The following SOX5 variants were observed in gnomAD, a reference collection of about 807,000 sequenced individuals.
SOX5 encodes transcription factor SOX-5.
Under a neutral mutation model 92.0 loss-of-function variants are expected in SOX5, and 9 were observed. The ratio of observed to expected loss-of-function variants is 0.10; its 90% CI spans 0.06 to 0.17. The LOEUF is 0.17. Among genes scored for constraint, SOX5 ranks in the 10% least tolerant of loss-of-function variants. The pLI, the probability that SOX5 is intolerant of heterozygous loss-of-function variation, is 1.00. For missense variants in SOX5, 642 were observed against 944.5 expected, an observed-to-expected ratio of 0.68 and a Z score of 4.20; for synonymous variants, 344 against 336.3, an observed-to-expected ratio of 1.02 and a Z score of -0.25.
intron 3 of SOX5, among the ~76,000 whole-genome samples, chr12:23,835,806 A>T (rs538594359): frequency 6.6e-6 from 1 of 151,946 alleles, no homozygotes; most frequent in Admixed American, 6.6e-5. Flanking sequence ...CATAGATTCT[A>T]GTCTAAGGTT....
At chr12:24,309,942 T>G (rs553812) in intron 2 of SOX5, among the ~76,000 whole-genome samples, 18,044 of 152,136 alleles carry the variant, frequency 0.12, 1,428 homozygotes, top group Non-Finnish European at 0.17. Flanking sequence ...AAAGCAGGTA[T>G]TTTTAATCTA....
chr12:23,744,772 A>T (rs1196902643), intron 4 of SOX5, among the ~76,000 whole-genome samples: 1 of 152,186 alleles, frequency 6.6e-6, no homozygotes, highest in Non-Finnish European at 1.5e-5. Flanking sequence ...TTTCAGTATT[A>T]GTTTGCCAGG....
At chr12:23,801,911 C>T (rs899397412) in intron 3 of SOX5, among the ~76,000 whole-genome samples, 1 of 152,062 alleles carries the variant, frequency 6.6e-6, no homozygotes. Context: ...GGATTGACAA[C>T]GTCAATTCAG....
intron 2 of SOX5, among the ~76,000 whole-genome samples, chr12:24,365,476 C>T (rs1956072070): frequency 6.6e-6 from 1 of 151,752 alleles, no homozygotes; most frequent in African/African-American, 2.4e-5. Flanking sequence ...TTAGAAAGTA[C>T]CCATGTTTTC....
At chr12:24,496,211 C>T (rs1184424150) in intron 1 of SOX5, among the ~76,000 whole-genome samples, 1 of 152,112 alleles carries the variant, frequency 6.6e-6, no homozygotes, top group Non-Finnish European at 1.5e-5. Context: ...AGCAAAAATA[C>T]CTATAAAGAA....
chr12:24,123,822 A>G (rs1222634894), intron 4 of SOX5, among the ~76,000 whole-genome samples: 1 of 152,236 alleles, frequency 6.6e-6, no homozygotes, highest in Non-Finnish European at 1.5e-5. Context: ...CATATAGGAT[A>G]TGAAGTTCTT....
intron 2 of SOX5, among the ~76,000 whole-genome samples, chr12:24,298,486 A>C (rs896979172): frequency 6.6e-6 from 1 of 152,182 alleles, no homozygotes. Flanking sequence ...ATATTTTTAA[A>C]AGTTGTTTCA....
At chr12:24,289,987 C>G (rs546321636) in intron 2 of SOX5, among the ~76,000 whole-genome samples, 1 of 152,282 alleles carries the variant, frequency 6.6e-6, no homozygotes, top group South Asian at 2.1e-4. Context: ...AATCAGGGCT[C>G]AGAAAACCGG....
chr12:24,151,339 G>A (rs1951632223), intron 4 of SOX5, among the ~76,000 whole-genome samples: 1 of 151,810 alleles, frequency 6.6e-6, no homozygotes, highest in Admixed American at 6.6e-5. Flanking sequence ...CATAATGAAT[G>A]TATATTTCAT....
chr12:24,307,304 G>T (rs1304457791), intron 2 of SOX5, among the ~76,000 whole-genome samples: 1 of 149,006 alleles, frequency 6.7e-6, no homozygotes, highest in Non-Finnish European at 1.5e-5. Context: ...CATAATCCTT[G>T]AAAATATAGA....
At chr12:24,120,061 T>A (rs1948457106) in intron 4 of SOX5, among the ~76,000 whole-genome samples, 1 of 152,214 alleles carries the variant, frequency 6.6e-6, no homozygotes. Context: ...ATTTATGCAT[T>A]CTGTATTTGT....
intron 1 of SOX5, among the ~76,000 whole-genome samples, chr12:24,416,346 GT>G (rs749131506): frequency 2.0e-5 from 3 of 152,166 alleles, no homozygotes; most frequent in Non-Finnish European, 4.4e-5. Flanking sequence ...TCTCCAACTT[GT>G]TATATCCAGC....
chr12:23,581,589 A>G (rs1383541002), intron 9 of SOX5, among the ~76,000 whole-genome samples: 1 of 152,106 alleles, frequency 6.6e-6, no homozygotes, highest in African/African-American at 2.4e-5. Flanking sequence ...TCATCCATAC[A>G]TTCATCCATA....
At chr12:24,240,038 T>A (rs1163806086) in intron 3 of SOX5, among the ~76,000 whole-genome samples, 1 of 152,198 alleles carries the variant, frequency 6.6e-6, no homozygotes, top group Non-Finnish European at 1.5e-5. Flanking sequence ...TGGCACTATA[T>A]AAAGAGATCC....
chr12:23,888,654 C>G (rs563717060), intron 2 of SOX5, among the ~76,000 whole-genome samples: 15 of 152,186 alleles, frequency 9.9e-5, no homozygotes, highest in Admixed American at 8.5e-4. Flanking sequence ...GTTTTTCACA[C>G]GTCCCCATTC....
At chr12:24,402,591 TG>T (rs1961993336) in intron 1 of SOX5, among the ~76,000 whole-genome samples, 1 of 152,200 alleles carries the variant, frequency 6.6e-6, no homozygotes, top group Admixed American at 6.5e-5. Flanking sequence ...TTATACAATT[TG>T]GGGGCCCTTT....
At chr12:24,328,769 AC>A (rs1377417207) in intron 2 of SOX5, among the ~76,000 whole-genome samples, 4 of 152,214 alleles carry the variant, frequency 2.6e-5, no homozygotes, top group Non-Finnish European at 5.9e-5. Context: ...TATCATCATT[AC>A]TTTTGCCTAA....
chr12:24,294,783 G>T (rs2140545197), intron 2 of SOX5, among the ~76,000 whole-genome samples: 1 of 152,348 alleles, frequency 6.6e-6, no homozygotes, highest in East Asian at 1.9e-4. Context: ...GCACAAAGTA[G>T]CTTTGACCCC....
chr12:23,979,530 C>CTTGTAATATTA (rs931805338), intron 4 of SOX5, among the ~76,000 whole-genome samples: 1 of 151,466 alleles, frequency 6.6e-6, no homozygotes, highest in African/African-American at 2.4e-5. Flanking sequence ...GGCCCCAATA[C>CTTGTAATATTA]TTGTAATATT....
Sources: gnomAD v4.1 joint callset for allele counts (sites outside exome capture counted in the v4.1 genomes callset) on GRCh38, gnomAD v4.1.1 for gene constraint, MANE v1.5 for transcripts, NCBI Gene and HGNC (gene_info 2026-07-23, HGNC 2026-07-21) for gene names.